The following RFX2 variants were observed in gnomAD, a reference collection of about 807,000 sequenced individuals.
RFX2 encodes regulatory factor X2, also known as DNA-binding protein RFX2.
Under a neutral mutation model 87.8 loss-of-function variants are expected in RFX2, and 20 were observed. That is an observed-to-expected ratio of 0.23 (90% CI 0.16 to 0.33). RFX2 has a LOEUF of 0.33. Ranked by LOEUF, RFX2 falls within the 10% of genes least tolerant of loss-of-function variation. RFX2 has a pLI of 1.00. For missense variants in RFX2, 767 were observed against 1,012.3 expected, an observed-to-expected ratio of 0.76 and a Z score of 3.29; for synonymous variants, 397 against 431.3, an observed-to-expected ratio of 0.92 and a Z score of 0.98.
In RFX2 at chr19:6,002,062, C is replaced by T. The variant is rs759221185; in HGVS notation, c.1651-39G>A. ...AGAGGCCAGTGTCAGCAATGTGGAC[C>T]CCCAGCCACGGCAGCCCTCCCTGGA... On this transcript the variant is annotated intron_variant, in intron 14 of 17. Transcript: ENST00000303657. The surrounding 1 kb of genome is among the most constrained non-coding windows in gnomAD (Gnocchi z 6.7). 11 of 1,537,828 alleles carry T rather than the reference C, an allele frequency of 7.2e-6. No homozygotes were observed. The highest frequency in any genetic ancestry group is 9.7e-6 in the Non-Finnish European group (11 of 1,136,678).
intron 1 of RFX2, among the ~76,000 whole-genome samples, chr19:6,067,687 T>G (rs557639371): frequency 6.6e-6 from 1 of 152,300 alleles, no homozygotes; most frequent in South Asian, 2.1e-4. Context: ...CCACCACCTT[T>G]CAAGGGGAAC....
Position 5,998,110 on chromosome 19 carries a change from C to CCAGCCT in RFX2, c.1860-903_1860-898dup, listed in dbSNP as rs1231350760. On this transcript the variant is annotated intron_variant, in intron 15 of 17. Coordinates refer to ENST00000303657, the MANE Select transcript of RFX2 (RefSeq NM_000635.4). The surrounding 1 kb of genome is among the most constrained non-coding windows in gnomAD (Gnocchi z 4.2). The stretch of plus-strand genomic sequence containing the variant: ...ATCACTTGGGGTCAGGAGTTCTAGA[C>CCAGCCT]CAGCCTGGCCAACATGGTGAAACGC... Among the ~76,000 whole-genome samples, 2 of 152,124 alleles carry CCAGCCT rather than the reference C, an allele frequency of 1.3e-5. No homozygotes were observed. The highest frequency in any genetic ancestry group is 4.8e-5 in the African/African-American group (2 of 41,416).
chr19:6,097,140 G>A (rs10405994), intron 1 of RFX2, among the ~76,000 whole-genome samples: 36,493 of 152,106 alleles, frequency 0.24, 8,617 homozygotes, highest in African/African-American at 0.62. Context: ...AGTGGGGAGA[G>A]GATGAGATGA....
At chr19:6,070,066 A>G (rs2087575511) in intron 1 of RFX2, among the ~76,000 whole-genome samples, 2 of 101,974 alleles carry the variant, frequency 2.0e-5, no homozygotes, top group African/African-American at 3.7e-5. Context: ...ATGGGATGGG[A>G]TGGGATGTGG....
chr19:6,070,146 G>GT, intron 1 of RFX2, among the ~76,000 whole-genome samples: 1 of 118,990 alleles, frequency 8.4e-6, no homozygotes. Context: ...GGGATGGGAT[G>GT]GGATGTGGAT....
At chr19:6,000,069 C>T (rs938800796) in intron 15 of RFX2, among the ~76,000 whole-genome samples, 1 of 151,934 alleles carries the variant, frequency 6.6e-6, no homozygotes, top group Non-Finnish European at 1.5e-5. Context: ...ATTGCAACCT[C>T]TGCCTCCCGG....
intron 4 of RFX2, among the ~76,000 whole-genome samples, chr19:6,041,406 C>T (rs545548471): frequency 1.2e-3 from 190 of 152,226 alleles, no homozygotes; most frequent in African/African-American, 3.2e-3. Flanking sequence ...GTGAGCTGCA[C>T]GGGAGATGCA....
At chr19:6,081,658 A>G (rs1250099808) in intron 1 of RFX2, among the ~76,000 whole-genome samples, 1 of 152,234 alleles carries the variant, frequency 6.6e-6, no homozygotes, top group East Asian at 1.9e-4. Context: ...GGTACATATA[A>G]AGGTAGATGG....
intron 5 of RFX2, among the ~76,000 whole-genome samples, chr19:6,037,718 A>G (rs1226260886): frequency 6.6e-6 from 1 of 152,238 alleles, no homozygotes; most frequent in African/African-American, 2.4e-5. Flanking sequence ...GCAATACTGA[A>G]GAATAAAGTG....
rs1471300028 is a variant in RFX2, at chr19:6,017,575, A to G, written c.598-1304T>C. Reference sequence around the variant, plus strand: ...GCACAGAAGCGAGGCCCGAGTCCAGATCCCATGTCAAGAGCGTCGGGGGAA... The same window carrying G: ...GCACAGAAGCGAGGCCCGAGTCCAGGTCCCATGTCAAGAGCGTCGGGGGAA... On this transcript the variant is annotated intron_variant, in intron 6 of 17. Transcript: ENST00000303657. This position sits in a 1 kb window ranked among gnomAD's most constrained non-coding sequence, Gnocchi z 4.1. Among the ~76,000 whole-genome samples, 4 of 152,232 alleles carry G rather than the reference A, an allele frequency of 2.6e-5. No homozygotes were observed. Among genetic ancestry groups the G allele is most frequent in the Admixed American group, 2.0e-4 (3 of 15,290 alleles).
chr19:5,995,701 G>C (rs2086397625), intron 16 of RFX2, 58 bp from the exon 17 acceptor site: 1 of 1,479,774 alleles, frequency 6.8e-7, no homozygotes, highest in South Asian at 1.2e-5. Flanking sequence ...TGCTGTTTGG[G>C]GGCTCGGGGG....
intron 1 of RFX2, among the ~76,000 whole-genome samples, chr19:6,084,643 C>CTTTTTTTTTTTTT (rs57501118): frequency 3.4e-5 from 5 of 145,366 alleles, no homozygotes; most frequent in African/African-American, 1.4e-4. Context: ...TTCTTTCTTT[C>CTTTTTTTTTTTTT]TTTTTTTTGA....
chr19:6,043,934 G>A (rs1449001819), intron 3 of RFX2, among the ~76,000 whole-genome samples: 1 of 152,202 alleles, frequency 6.6e-6, no homozygotes, highest in Non-Finnish European at 1.5e-5. Context: ...GGTGCGGGGT[G>A]CTCACTGGTT....
rs528880004 is a variant in RFX2 at position 5,997,437 on chromosome 19, G to A, written c.1860-224C>T. 1.9e-4 allele frequency: 96 copies of A among 501,832 alleles called. No homozygotes were observed. In the South Asian group the frequency reaches 3.1e-3, roughly 16 times the overall value. The allele number at this position is 501,832 out of a possible 1,614,324, so 31.1% of individuals were successfully genotyped here. A position where few individuals can be genotyped will look rare whatever the true frequency, so the allele number is the denominator to read the frequency against. ...GCCGGCCTGCGCGCTCAGTTCCAGA[G>A]ACCACCTGGGGAACAGGAGAGGGAG... On this transcript the variant is annotated intron_variant, in intron 15 of 17. Coordinates refer to ENST00000303657, the MANE Select transcript of RFX2 (RefSeq NM_000635.4). The surrounding 1 kb of genome is among the most constrained non-coding windows in gnomAD (Gnocchi z 4.2).
Position 6,047,595 on chromosome 19 carries a change from T to G in RFX2, c.-8-91A>C. On this transcript the variant is annotated intron_variant, in intron 1 of 17. Transcript: ENST00000303657. This position sits in a 1 kb window ranked among gnomAD's most constrained non-coding sequence, Gnocchi z 4.2. ...TAACAAGTTCAAGGGAGGGAAGGAGTAACCAGCTACATTCTTCAAAGTCGA... is the reference window on the plus strand; with the variant it reads ...TAACAAGTTCAAGGGAGGGAAGGAGGAACCAGCTACATTCTTCAAAGTCGA... 132 of 938,980 alleles carry G rather than the reference T, an allele frequency of 1.4e-4. No homozygotes were observed. The highest frequency in any genetic ancestry group is 1.9e-4 in the Non-Finnish European group (114 of 602,284). 58.2% of individuals were successfully genotyped at this position (938,980 alleles called of 1,614,324 possible). A position where few individuals can be genotyped will look rare whatever the true frequency, so the allele number is the denominator to read the frequency against.
chr19:6,006,445 C>T (rs906673946), intron 12 of RFX2, among the ~76,000 whole-genome samples: 1 of 151,176 alleles, frequency 6.6e-6, no homozygotes, highest in Admixed American at 6.6e-5. Flanking sequence ...AGGCACACAC[C>T]ACCATGCCCA....
Position 6,010,314 on chromosome 19 carries a change from ACT to A in RFX2, c.900-65_900-64del. 9.1e-7 allele frequency: 1 copy of A among 1,101,788 alleles called. No individual in the cohort carries two copies. Among genetic ancestry groups the A allele is most frequent in the Non-Finnish European group, 1.3e-6 (1 of 748,486 alleles). The allele number at this position is 1,101,788 out of a possible 1,614,324, so 68.3% of individuals were successfully genotyped here. On this transcript the variant is annotated intron_variant, in intron 8 of 17. Transcript: ENST00000303657. The surrounding 1 kb of genome is among the most constrained non-coding windows in gnomAD (Gnocchi z 5.0). ...AGCCCTGCTGCGGGTGGGCCCAAAG[ACT>A]GGGGGGCTGGGCAGGATTCAGTCAG... is the stretch of plus-strand genomic sequence containing the variant.
Position 5,997,222 on chromosome 19 carries a change from A to G in RFX2, c.1860-9T>C, listed in dbSNP as rs751035286. On this transcript the variant is annotated splice_polypyrimidine_tract_variant and intron_variant, in intron 15 of 17. Transcript: ENST00000303657. The surrounding 1 kb of genome is among the most constrained non-coding windows in gnomAD (Gnocchi z 4.2). ...CCCGGATCACCATGGAGCTGGGGACAAGCGGACAGAGGCTGGGGACCCTCA... is the reference window on the plus strand; with the variant it reads ...CCCGGATCACCATGGAGCTGGGGACGAGCGGACAGAGGCTGGGGACCCTCA... 2.2e-5 allele frequency: 36 copies of G among 1,607,534 alleles called. No homozygotes were observed. The highest frequency in any genetic ancestry group is 2.9e-5 in the Non-Finnish European group (34 of 1,179,054).
chr19:6,046,559 C>T (rs2087192470), intron 2 of RFX2, among the ~76,000 whole-genome samples: 1 of 149,132 alleles, frequency 6.7e-6, no homozygotes, highest in South Asian at 2.1e-4. Flanking sequence ...ACTCCGTCCC[C>T]CCCCAAAAAA....
Sources: allele counts gnomAD v4.1 joint callset (sites outside exome capture counted in the v4.1 genomes callset), GRCh38; gene constraint gnomAD v4.1.1; non-coding constraint Gnocchi (gnomAD v3.1); transcripts MANE v1.5; gene names NCBI Gene and HGNC (gene_info 2026-07-23, HGNC 2026-07-21).